ATP9B: variants seen among roughly 807,000 people sequenced by gnomAD.
ATP9B encodes the protein ATPase phospholipid transporting 9B.
Under a neutral mutation model 146.1 loss-of-function variants are expected in ATP9B, and 110 were observed. The ratio of observed to expected loss-of-function variants is 0.75; its 90% CI spans 0.65 to 0.88. The LOEUF (loss-of-function observed/expected upper bound fraction) is 0.88. Ranked by LOEUF, ATP9B falls within the 40% of genes least tolerant of loss-of-function variation. The pLI is 0.00. For synonymous variants in ATP9B, 604 were observed against 569.7 expected (o/e 1.06, Z -0.86); for missense variants, 1,499 against 1,496.4 (o/e 1.00, Z -0.03).
chr18:79,301,245 A>G (rs1374516452), intron 13 of ATP9B, among the ~76,000 whole-genome samples: 18 of 152,280 alleles, frequency 1.2e-4, no homozygotes, highest in East Asian at 5.8e-4. Context: ...TTATCCCAGC[A>G]CTTTGGGAGG....
chr18:79,238,201 C>T (rs2095859205), intron 11 of ATP9B, among the ~76,000 whole-genome samples: 1 of 151,166 alleles, frequency 6.6e-6, no homozygotes, highest in Non-Finnish European at 1.5e-5. Context: ...ATGTTGAGTA[C>T]TGTCATGTTG....
chr18:79,154,500 G>A lies in ATP9B; in HGVS notation c.727-4G>A, dbSNP rs780719783. On this transcript the variant is annotated splice_polypyrimidine_tract_variant and splice_region_variant and intron_variant, in intron 6 of 29. Coordinates refer to ENST00000426216, the MANE Select transcript of ATP9B (RefSeq NM_198531.5). ...TAATTAATCTTTTATAATGCTCTTT[G>A]CAGAATCAAAGAATTCCATCGGACA... The A allele has an allele frequency of 2.0e-6, 3 of 1,534,768 alleles. No homozygotes were observed. The Admixed American group carries it at 7.0e-5, about 36-fold the overall frequency.
intron 7 of ATP9B, among the ~76,000 whole-genome samples, chr18:79,156,016 C>T (rs1035231354): frequency 6.6e-6 from 1 of 152,054 alleles, no homozygotes; most frequent in Non-Finnish European, 1.5e-5. Flanking sequence ...CCCACCTCGG[C>T]CTCCCAAAGT....
chr18:79,134,465 G>A (rs1202272328), intron 5 of ATP9B, among the ~76,000 whole-genome samples: 4 of 152,176 alleles, frequency 2.6e-5, no homozygotes, highest in African/African-American at 7.2e-5. Context: ...CCCAGAGTAA[G>A]TAGAGTCATT....
chr18:79,294,294 A>C (rs897094611), intron 13 of ATP9B, among the ~76,000 whole-genome samples: 13 of 152,226 alleles, frequency 8.5e-5, no homozygotes, highest in African/African-American at 2.7e-4. Context: ...CTTTCAACCC[A>C]TGATGAATTC....
intron 15 of ATP9B, among the ~76,000 whole-genome samples, chr18:79,317,237 G>A (rs1317326669): frequency 1.3e-5 from 2 of 151,980 alleles, no homozygotes; most frequent in Non-Finnish European, 2.9e-5. Flanking sequence ...AAAAAAAGCA[G>A]AAGTTCTGAA....
intron 4 of ATP9B, among the ~76,000 whole-genome samples, chr18:79,121,042 C>T (rs921562597): frequency 4.6e-5 from 7 of 152,118 alleles, no homozygotes; most frequent in Admixed American, 2.0e-4. Flanking sequence ...ATTCCCTTAT[C>T]TGTAAATTAG....
At chr18:79,198,769 G>A (rs994154163) in intron 9 of ATP9B, among the ~76,000 whole-genome samples, 3 of 152,144 alleles carry the variant, frequency 2.0e-5, no homozygotes, top group Admixed American at 1.3e-4. Context: ...GAGTACTAAC[G>A]ACAAATGGAG....
intron 15 of ATP9B, among the ~76,000 whole-genome samples, chr18:79,328,018 G>GTGGTTAGCGTGCTCTCTC (rs2096768826): frequency 7.1e-6 from 1 of 140,246 alleles, no homozygotes; most frequent in Non-Finnish European, 1.6e-5. Context: ...CGTGCTCTCC[G>GTGGTTAGCGTGCTCTCTC]TGGTTAGCGT....
chr18:79,179,007 A>G (rs1188485155), intron 8 of ATP9B, among the ~76,000 whole-genome samples: 2 of 152,192 alleles, frequency 1.3e-5, no homozygotes, highest in Non-Finnish European at 2.9e-5. Context: ...TTTTTGGGAA[A>G]ACACTTGATT....
At chr18:79,120,560 A>G (rs2094171097) in intron 4 of ATP9B, among the ~76,000 whole-genome samples, 1 of 152,226 alleles carries the variant, frequency 6.6e-6, no homozygotes. Context: ...ATTTCATTAC[A>G]TTTTTGTGTC....
Position 79,151,727 on chromosome 18 carries a change from G to GT in ATP9B, c.727-2762dup, listed in dbSNP as rs10707568. On this transcript the variant is annotated intron_variant, in intron 6 of 29. Transcript: ENST00000426216. The stretch of plus-strand genomic sequence containing the variant: ...GCATTTCTGATATGTATGTAGAAGT[G>GT]TTTTTTTTTTTTTTTATGAAGTTCT... Among the ~76,000 whole-genome samples the GT allele has an allele frequency of 7.5e-3, 1,065 of 141,606 alleles. 5 individuals are homozygous for GT. The highest frequency in any genetic ancestry group is 0.011 in the African/African-American group (425 of 38,754). The allele number at this position is 141,606 out of a possible 152,430, so 92.9% of individuals were successfully genotyped here. A position where few individuals can be genotyped will look rare whatever the true frequency, so the allele number is the denominator to read the frequency against.
chr18:79,185,675 C>A (rs1403730664), intron 8 of ATP9B, among the ~76,000 whole-genome samples: 1 of 152,200 alleles, frequency 6.6e-6, no homozygotes, highest in South Asian at 2.1e-4. Context: ...GAAGAAAGCT[C>A]TGATTTCATT....
chr18:79,250,790 C>T (rs1417003677), intron 11 of ATP9B, among the ~76,000 whole-genome samples: 1 of 152,124 alleles, frequency 6.6e-6, no homozygotes, highest in African/African-American at 2.4e-5. Context: ...GGTTGAGTAC[C>T]GCTCCCTTTC....
chr18:79,194,232 CAT>C (rs145482361), intron 9 of ATP9B, among the ~76,000 whole-genome samples: 41 of 152,016 alleles, frequency 2.7e-4, no homozygotes, highest in African/African-American at 9.9e-4. Flanking sequence ...TTAAAGACAA[CAT>C]ATGAGAATAA....
At chr18:79,276,330 A>G (rs1262811996) in intron 12 of ATP9B, among the ~76,000 whole-genome samples, 1 of 152,242 alleles carries the variant, frequency 6.6e-6, no homozygotes, top group Non-Finnish European at 1.5e-5. Flanking sequence ...ATGACTCATC[A>G]TATGTGCTTT....
At chr18:79,204,728 G>C (rs771968091) in intron 9 of ATP9B, among the ~76,000 whole-genome samples, 9 of 152,172 alleles carry the variant, frequency 5.9e-5, no homozygotes, top group Non-Finnish European at 1.2e-4. Flanking sequence ...ACATACTGTA[G>C]ACAGATTGTT....
chr18:79,295,917 C>T (rs1283249502), intron 13 of ATP9B, among the ~76,000 whole-genome samples: 1 of 152,222 alleles, frequency 6.6e-6, no homozygotes, highest in Non-Finnish European at 1.5e-5. Context: ...ATTTCCCAGC[C>T]GCCAGAGCTA....
Position 79,336,727 on chromosome 18 carries a change from G to C in ATP9B, c.2112+16G>C. ...GGACTTTGAGGTGAGCCGACTCCCA[G>C]CCATCCCATCCTCCTACGACGTTTC... is the stretch of plus-strand genomic sequence containing the variant. On this transcript the variant is annotated intron_variant, in intron 18 of 29. Transcript: ENST00000426216. 1 of 1,612,806 alleles carries C rather than the reference G, an allele frequency of 6.2e-7. No individual in the cohort carries two copies. The highest frequency in any genetic ancestry group is 8.5e-7 in the Non-Finnish European group (1 of 1,179,144).
Sources: gnomAD v4.1 joint callset for allele counts (sites outside exome capture counted in the v4.1 genomes callset) on GRCh38, gnomAD v4.1.1 for gene constraint, MANE v1.5 for transcripts, NCBI Gene and HGNC (gene_info 2026-07-23, HGNC 2026-07-21) for gene names.